Variants in CHMP3 observed in about 807,000 individuals in gnomAD.
CHMP3 encodes charged multivesicular body protein 3.
Under a neutral mutation model 27.4 loss-of-function variants are expected in CHMP3, and 8 were observed. The observed-to-expected ratio is 0.29, with a 90% CI of 0.17 to 0.53. The LOEUF is 0.53. CHMP3 is among the 20% of genes least tolerant of loss of function. CHMP3 has a pLI of 0.96. For synonymous variants in CHMP3, 86 were observed against 85.5 expected (o/e 1.01, Z -0.03); for missense variants, 208 against 271.5 (o/e 0.77, Z 1.64).
chr2:86,506,242 T>A (rs1674882973), intron 5 of CHMP3, among the ~76,000 whole-genome samples: 1 of 152,242 alleles, frequency 6.6e-6, no homozygotes, highest in African/African-American at 2.4e-5. Context: ...ACTAAATTGT[T>A]TCTAAATCTT....
At chr2:86,557,701 A>G (rs772907735) in intron 1 of CHMP3, among the ~76,000 whole-genome samples, 4 of 152,156 alleles carry the variant, frequency 2.6e-5, no homozygotes, top group East Asian at 1.9e-4. Context: ...TCCTGATCCT[A>G]TATCTACCGT....
At chr2:86,505,989 A>C in intron 5 of CHMP3, 40 bp from the exon 6 acceptor site, 1 of 1,485,904 alleles carries the variant, frequency 6.7e-7, no homozygotes, top group Non-Finnish European at 9.0e-7. Flanking sequence ...CATTGGCTTA[A>C]GGAAGCAGCC....
chr2:86,532,162 T>C lies in CHMP3; in HGVS notation c.107-2765A>G, dbSNP rs34562651. On this transcript the variant is annotated intron_variant, in intron 2 of 5. Transcript: ENST00000263856. ...TCATCATTTTCATTATACAAGTCTT[T>C]TGCCTCCTTGGTTAAGTAAATTCCT... Among the ~76,000 whole-genome samples the C allele has an allele frequency of 9.2e-3, 1,397 of 152,306 alleles. 6 individuals are homozygous for C. The highest frequency in any genetic ancestry group is 0.013 in the Non-Finnish European group (896 of 68,016).
rs947384159 is a variant in CHMP3 at position 86,536,140 on chromosome 2, C to T, written c.106+6112G>A. On this transcript the variant is annotated intron_variant, in intron 2 of 5. Coordinates refer to ENST00000263856, the MANE Select transcript of CHMP3 (RefSeq NM_016079.4). ...CCTCCCAAGTAGCTGGGACTACAGG[C>T]GCCCGCCACTACGCCCGGCTAATTT... Among the ~76,000 whole-genome samples the T allele has an allele frequency of 1.2e-3, 180 of 150,080 alleles. 1 individual carries two copies. Among genetic ancestry groups the T allele is most frequent in the Admixed American group, 2.2e-3 (33 of 15,130 alleles).
At chr2:86,533,439 C>G (rs1573269664) in intron 2 of CHMP3, among the ~76,000 whole-genome samples, 1 of 151,910 alleles carries the variant, frequency 6.6e-6, no homozygotes, top group African/African-American at 2.4e-5. Flanking sequence ...TTTCTTCCTT[C>G]TGCTAGATTT....
rs1019106219 is a variant in CHMP3, at chr2:86,503,450, C to G, written c.*2354G>C. ...AACCATATGATCCAGCACTGAAGCTCTTGGTATTTATTCAAATGAATTAAA... is the reference window on the plus strand; with the variant it reads ...AACCATATGATCCAGCACTGAAGCTGTTGGTATTTATTCAAATGAATTAAA... On this transcript the variant is annotated 3_prime_UTR_variant, in exon 6 of 6. Transcript: ENST00000263856. 1 of 152,170 alleles carries G rather than the reference C, an allele frequency of 6.6e-6. No individual in the cohort carries two copies. The highest frequency in any genetic ancestry group is 1.5e-5 in the Non-Finnish European group (1 of 68,028). 9.4% of individuals were successfully genotyped at this position (152,170 alleles called of 1,614,324 possible).
chr2:86,558,027 G>A (rs1338891049), intron 1 of CHMP3, among the ~76,000 whole-genome samples: 3 of 152,094 alleles, frequency 2.0e-5, no homozygotes, highest in African/African-American at 7.2e-5. Context: ...CCACAACCAT[G>A]AGTCATGACC....
At chr2:86,554,743 A>G (rs1389685051) in intron 1 of CHMP3, among the ~76,000 whole-genome samples, 1 of 151,908 alleles carries the variant, frequency 6.6e-6, no homozygotes, top group East Asian at 1.9e-4. Flanking sequence ...AGGTATTAGA[A>G]TGTTCATTGG....
At chr2:86,516,510 T>C (rs115826481) in intron 3 of CHMP3, among the ~76,000 whole-genome samples, 2,816 of 152,240 alleles carry the variant, frequency 0.018, 57 homozygotes, top group Non-Finnish European at 0.028. Flanking sequence ...CAACAACAAA[T>C]GTTGGAGAAG....
chr2:86,529,304 A>AT lies in CHMP3; in HGVS notation c.199dup (p.Met67AsnfsTer83). The AT allele has an allele frequency of 6.2e-7, 1 of 1,613,694 alleles. No individual in the cohort carries two copies. The highest frequency in any genetic ancestry group is 8.5e-7 in the Non-Finnish European group (1 of 1,179,874). ...GCTCACAGCCTTCCTTGACCTGATC[A>AT]TCTCCTTGGCCAGAACTATGCAGAC... is the stretch of plus-strand genomic sequence containing the variant. On this transcript the variant is annotated frameshift_variant, in exon 3 of 6. Transcript: ENST00000263856. LOFTEE classifies it high-confidence loss of function.
At chr2:86,561,141 T>C (rs1677343146) in intron 1 of CHMP3, among the ~76,000 whole-genome samples, 1 of 152,216 alleles carries the variant, frequency 6.6e-6, no homozygotes, top group African/African-American at 2.4e-5. Flanking sequence ...GCTTCTTATT[T>C]CACCTTTATA....
chr2:86,534,498 C>T (rs530527235), intron 2 of CHMP3, among the ~76,000 whole-genome samples: 5 of 152,100 alleles, frequency 3.3e-5, no homozygotes, highest in South Asian at 4.1e-4. Flanking sequence ...ACTCTGCCTT[C>T]GTTCTTCAAG....
chr2:86,548,181 T>C lies in CHMP3; in HGVS notation c.46-5869A>G, dbSNP rs55719944. 2.2e-3 allele frequency among the ~76,000 whole-genome samples: 188 copies of C among 86,780 alleles called. 3 individuals are homozygous for C. Among genetic ancestry groups the C allele is most frequent in the Middle Eastern group, 5.6e-3 (1 of 178 alleles). 56.9% of individuals were successfully genotyped at this position (86,780 alleles called of 152,430 possible). On this transcript the variant is annotated intron_variant, in intron 1 of 5. Transcript: ENST00000263856. ...TTTCAGGTTAGAGGAGGAGTTCTCT[T>C]TTTTTTTTTTTTTTTTTTTAGTATT...
chr2:86,544,713 G>C (rs1041657349), intron 1 of CHMP3, among the ~76,000 whole-genome samples: 5 of 152,198 alleles, frequency 3.3e-5, no homozygotes, highest in African/African-American at 1.2e-4. Flanking sequence ...TCTTAGTACA[G>C]AACAAAATGG....
rs1228268714 is a variant in CHMP3 at position 86,505,417 on chromosome 2, T to TAA, written c.*386_*387insTT. ...TGGGGCAGCCGACACCTTGAAAGTT[T>TAA]ACTGCACAGGGCAATCTACAATGGG... is the stretch of plus-strand genomic sequence containing the variant. On this transcript the variant is annotated 3_prime_UTR_variant, in exon 6 of 6. Coordinates refer to ENST00000263856, the MANE Select transcript of CHMP3 (RefSeq NM_016079.4). 6.4e-6 allele frequency: 1 copy of TAA among 156,408 alleles called. No homozygotes were observed. The allele number at this position is 156,408 out of a possible 1,614,324, so 9.7% of individuals were successfully genotyped here. A position where few individuals can be genotyped will look rare whatever the true frequency, so the allele number is the denominator to read the frequency against.
chr2:86,552,509 A>C (rs1158357643), intron 1 of CHMP3, among the ~76,000 whole-genome samples: 2 of 152,214 alleles, frequency 1.3e-5, no homozygotes, highest in African/African-American at 2.4e-5. Context: ...TATAAATGTT[A>C]ATGTGTCTAA....
At chr2:86,536,550 G>A (rs186973734) in intron 2 of CHMP3, among the ~76,000 whole-genome samples, 209 of 152,062 alleles carry the variant, frequency 1.4e-3, no homozygotes, top group African/African-American at 4.6e-3. Context: ...CTAATGTTTC[G>A]GATGAGAAAT....
At position 86,563,417 on chromosome 2, in the gene CHMP3, G is replaced by A; in HGVS notation, c.-69C>T. 1 of 1,565,640 alleles carries A rather than the reference G, an allele frequency of 6.4e-7. No homozygotes were observed. Among genetic ancestry groups the A allele is most frequent in the South Asian group, 1.2e-5 (1 of 85,970 alleles). The stretch of plus-strand genomic sequence containing the variant: ...GCGCCCAGGCAGGTCACGGGCAGCC[G>A]CCTGGGCGGGGCCCGCGGAAAAGGA... On this transcript the variant is annotated 5_prime_UTR_variant, in exon 1 of 6. Coordinates refer to ENST00000263856, the MANE Select transcript of CHMP3 (RefSeq NM_016079.4).
chr2:86,506,028 GACCAATCTGACC>G lies in CHMP3; in HGVS notation c.524-91_524-80del, dbSNP rs1674873115. 20 of 1,387,618 alleles carry G rather than the reference GACCAATCTGACC, an allele frequency of 1.4e-5. No homozygotes were observed. The South Asian group carries it at 3.5e-4, about 24-fold the overall frequency. The allele number at this position is 1,387,618 out of a possible 1,614,324, so 86.0% of individuals were successfully genotyped here. A position where few individuals can be genotyped will look rare whatever the true frequency, so the allele number is the denominator to read the frequency against. The stretch of plus-strand genomic sequence containing the variant: ...CAATCTTCCCTGCCTTTCATTCCTG[GACCAATCTGACC>G]AGATACAAAAATGAGACAGTACAGC... On this transcript the variant is annotated intron_variant, in intron 5 of 5. Coordinates refer to ENST00000263856, the MANE Select transcript of CHMP3 (RefSeq NM_016079.4).
Sources: gnomAD v4.1 joint callset for allele counts (sites outside exome capture counted in the v4.1 genomes callset) on GRCh38, gnomAD v4.1.1 for gene constraint, MANE v1.5 for transcripts, NCBI Gene and HGNC (gene_info 2026-07-23, HGNC 2026-07-21) for gene names.